PRKN: variants seen among roughly 807,000 people sequenced by gnomAD.
The protein encoded by PRKN is parkin RBR E3 ubiquitin protein ligase.
A neutral mutation model predicts 59.5 loss-of-function variants in PRKN; 56 were observed. The ratio of observed to expected loss-of-function variants is 0.94; its 90% confidence interval spans 0.76 to 1.18. The LOEUF is 1.18. Ranked by LOEUF, PRKN falls within the 50% of genes most tolerant of loss-of-function variation. The pLI is 0.00. For synonymous variants in PRKN, 250 were observed against 222.1 expected (o/e 1.13, Z -1.12); for missense variants, 657 against 596.4 (o/e 1.10, Z -1.06).
chr6:162,230,269 CTGT>C (rs902990376), intron 3 of PRKN, among the ~76,000 whole-genome samples: 4 of 152,206 alleles, frequency 2.6e-5, no homozygotes, highest in African/African-American at 9.7e-5. Context: ...GTGTGTCTAT[CTGT>C]TGGCATGAGC....
intron 4 of PRKN, among the ~76,000 whole-genome samples, chr6:162,116,094 A>G (rs1780658959): frequency 6.6e-6 from 1 of 152,208 alleles, no homozygotes; most frequent in Admixed American, 6.5e-5. Context: ...CCCTTCAGCA[A>G]ACTTCATGGG....
At position 161,391,139 on chromosome 6, in the gene PRKN, T is replaced by C. The variant is rs185853989; in HGVS notation, c.1084-4262A>G. Among the ~76,000 whole-genome samples the C allele has an allele frequency of 7.9e-5, 12 of 152,210 alleles. No individual in the cohort carries two copies. In the East Asian group the frequency reaches 1.2e-3, roughly 15 times the overall value. On this transcript the variant is annotated intron_variant, in intron 9 of 11. Transcript: ENST00000366898. The surrounding 1 kb of genome is among the most constrained non-coding windows in gnomAD (Gnocchi z 4.9). ...GAAGAAAGCAGACCTAGCTCCAACA[T>C]TTTCACATCCATTCTGCTGAGCTGC... is the stretch of plus-strand genomic sequence containing the variant.
At chr6:162,723,782 T>TA (rs1233402584) in intron 1 of PRKN, among the ~76,000 whole-genome samples, 1 of 152,254 alleles carries the variant, frequency 6.6e-6, no homozygotes, top group Non-Finnish European at 1.5e-5. Flanking sequence ...CAGTTGTCTG[T>TA]AAACCTAATG....
chr6:162,427,357 T>G (rs960121056), intron 2 of PRKN, among the ~76,000 whole-genome samples: 1 of 152,106 alleles, frequency 6.6e-6, no homozygotes, highest in African/African-American at 2.4e-5. Context: ...GCACAAGACT[T>G]GTATAAGAAT....
At chr6:161,729,692 T>C (rs1787592138) in intron 7 of PRKN, among the ~76,000 whole-genome samples, 1 of 152,214 alleles carries the variant, frequency 6.6e-6, no homozygotes, top group Non-Finnish European at 1.5e-5. Flanking sequence ...AAATTAAAAA[T>C]ATATAGTTCA....
rs1405069890 is a variant in PRKN, at chr6:161,668,656, C to T, written c.872-99240G>A. Among the ~76,000 whole-genome samples, 9 of 152,018 alleles carry T rather than the reference C, an allele frequency of 5.9e-5. No individual in the cohort carries two copies. The East Asian group carries it at 1.5e-3, about 26-fold the overall frequency. ...GAGGGATGGACTTATTATAATGAGGCCTGGGATGGTTTCTTTTATAATAGT... is the reference window on the plus strand; with the variant it reads ...GAGGGATGGACTTATTATAATGAGGTCTGGGATGGTTTCTTTTATAATAGT... On this transcript the variant is annotated intron_variant, in intron 7 of 11. Coordinates refer to ENST00000366898, the MANE Select transcript of PRKN (RefSeq NM_004562.3).
chr6:162,370,374 G>T (rs1459773734), intron 2 of PRKN, among the ~76,000 whole-genome samples: 2 of 152,234 alleles, frequency 1.3e-5, no homozygotes, highest in Admixed American at 6.5e-5. Context: ...TAAGGCAAAA[G>T]ATAAGGACAC....
At chr6:161,791,392 A>G (rs1790631228) in intron 6 of PRKN, among the ~76,000 whole-genome samples, 1 of 152,372 alleles carries the variant, frequency 6.6e-6, no homozygotes, top group South Asian at 2.1e-4. Flanking sequence ...GTATTCTAGC[A>G]TCTACAAAAA....
chr6:162,293,327 G>C (rs903979175), intron 2 of PRKN, among the ~76,000 whole-genome samples: 11 of 152,152 alleles, frequency 7.2e-5, no homozygotes, highest in Non-Finnish European at 1.2e-4. Flanking sequence ...TCTCAAAGGG[G>C]CCCAAGTTTT....
At chr6:161,632,420 T>C (rs1283426450) in intron 7 of PRKN, among the ~76,000 whole-genome samples, 2 of 152,228 alleles carry the variant, frequency 1.3e-5, no homozygotes, top group Non-Finnish European at 2.9e-5. Context: ...TCTAGTCTTT[T>C]ACTTAATATG....
chr6:162,425,241 T>G (rs1285149776), intron 2 of PRKN, among the ~76,000 whole-genome samples: 1 of 152,146 alleles, frequency 6.6e-6, no homozygotes, highest in African/African-American at 2.4e-5. Flanking sequence ...AAAAAAGTAG[T>G]TACACACTGC....
rs9456673 is a variant in PRKN at position 161,444,909 on chromosome 6, T to A, written c.1084-58032A>T. 0.017 allele frequency among the ~76,000 whole-genome samples: 2,620 copies of A among 152,292 alleles called. 82 individuals are homozygous for A. Among genetic ancestry groups the A allele is most frequent in the African/African-American group, 0.059 (2,449 of 41,568 alleles). On this transcript the variant is annotated intron_variant, in intron 9 of 11. Transcript: ENST00000366898. This position sits in a 1 kb window ranked among gnomAD's most constrained non-coding sequence, Gnocchi z 5.6. ...AAGGTATGTAATAGTTATTTATTTT[T>A]AAAAAAAGCCAGTACCTCTCCAGTC...
chr6:161,789,833 C>T lies in PRKN; in HGVS notation c.735-3925G>A, dbSNP rs181746385. 3.4e-4 allele frequency among the ~76,000 whole-genome samples: 51 copies of T among 152,192 alleles called. 1 individual carries two copies. Among genetic ancestry groups the T allele is most frequent in the Middle Eastern group, 3.4e-3 (1 of 294 alleles). ...TTGTAATCAAGAGTTATTGATTATT[C>T]TAGTGGATAAATGAATGGGTCACTA... On this transcript the variant is annotated intron_variant, in intron 6 of 11. Coordinates refer to ENST00000366898, the MANE Select transcript of PRKN (RefSeq NM_004562.3).
At chr6:162,052,203 A>G (rs936939514) in intron 5 of PRKN, among the ~76,000 whole-genome samples, 4 of 151,818 alleles carry the variant, frequency 2.6e-5, no homozygotes, top group South Asian at 2.1e-4. Context: ...TCTAAGTTCT[A>G]TTTTCTCTTT....
At chr6:162,011,216 G>T (rs1467768958) in intron 5 of PRKN, among the ~76,000 whole-genome samples, 2 of 90,286 alleles carry the variant, frequency 2.2e-5, no homozygotes, top group African/African-American at 4.3e-5. Context: ...ATATAATATA[G>T]TATATATTTA....
chr6:162,380,531 A>G lies in PRKN; in HGVS notation c.171+62779T>C, dbSNP rs1786422209. The stretch of plus-strand genomic sequence containing the variant: ...TGTGTATATATATATATATGTATAT[A>G]TACATATATATATGTATCATTAACA... On this transcript the variant is annotated intron_variant, in intron 2 of 11. Coordinates refer to ENST00000366898, the MANE Select transcript of PRKN (RefSeq NM_004562.3). 2.8e-5 allele frequency among the ~76,000 whole-genome samples: 4 copies of G among 143,136 alleles called. No homozygotes were observed. In the South Asian group the frequency reaches 8.7e-4, roughly 31 times the overall value. 93.9% of individuals were successfully genotyped at this position (143,136 alleles called of 152,430 possible).
intron 6 of PRKN, among the ~76,000 whole-genome samples, chr6:161,849,595 G>A (rs977830496): frequency 6.6e-6 from 1 of 151,974 alleles, no homozygotes; most frequent in Non-Finnish European, 1.5e-5. Flanking sequence ...CTGCCTTTAG[G>A]AGCCCCCAAA....
At position 161,499,515 on chromosome 6, in the gene PRKN, TG is replaced by T. The variant is rs1469764850; in HGVS notation, c.1083+49338del. Among the ~76,000 whole-genome samples the T allele has an allele frequency of 6.6e-6, 1 of 152,222 alleles. No homozygotes were observed. The highest frequency in any genetic ancestry group is 2.4e-5 in the African/African-American group (1 of 41,468). On this transcript the variant is annotated intron_variant, in intron 9 of 11. Coordinates refer to ENST00000366898, the MANE Select transcript of PRKN (RefSeq NM_004562.3). This position sits in a 1 kb window ranked among gnomAD's most constrained non-coding sequence, Gnocchi z 4.2. ...GTTGCTTCTTATTGGCTTTGGAATGTGGGACCTCTCTTCTAGCCTCTTGCAT... is the reference window on the plus strand; with the variant it reads ...GTTGCTTCTTATTGGCTTTGGAATGTGGACCTCTCTTCTAGCCTCTTGCAT...
At chr6:161,580,027 T>G (rs1781275188) in intron 7 of PRKN, among the ~76,000 whole-genome samples, 1 of 152,154 alleles carries the variant, frequency 6.6e-6, no homozygotes, top group Non-Finnish European at 1.5e-5. Flanking sequence ...ATATTTAGAG[T>G]GTATATGCTG....
Sources: allele counts gnomAD v4.1 joint callset (sites outside exome capture counted in the v4.1 genomes callset), GRCh38; gene constraint gnomAD v4.1.1; non-coding constraint Gnocchi (gnomAD v3.1); transcripts MANE v1.5; gene names NCBI Gene and HGNC (gene_info 2026-07-23, HGNC 2026-07-21).